Variants in RLF observed in about 807,000 individuals in gnomAD.
The protein encoded by RLF is zinc finger protein Rlf.
Under a neutral mutation model 162.9 loss-of-function variants are expected in RLF, and 7 were observed. The ratio of observed to expected loss-of-function variants is 0.04; its 90% CI spans 0.02 to 0.08. The LOEUF (loss-of-function observed/expected upper bound fraction) is 0.08. Among genes scored for constraint, RLF ranks in the 10% least tolerant of loss-of-function variants. The pLI, the probability that RLF is intolerant of heterozygous loss-of-function variation, is 1.00. For missense variants in RLF, 1,664 were observed against 2,244.7 expected (o/e 0.74, Z 5.23); for synonymous variants, 782 against 791.5 (o/e 0.99, Z 0.20).
intron 1 of RLF, among the ~76,000 whole-genome samples, chr1:40,169,313 T>C (rs1383805368): frequency 6.6e-6 from 1 of 152,016 alleles, no homozygotes; most frequent in East Asian, 1.9e-4. Flanking sequence ...CCGTATGATA[T>C]ATTTATTAAT....
chr1:40,235,016 T>C (rs911008048), intron 7 of RLF, among the ~76,000 whole-genome samples: 1 of 152,072 alleles, frequency 6.6e-6, no homozygotes, highest in Non-Finnish European at 1.5e-5. Flanking sequence ...TATTTTATCT[T>C]TGAAGTTTTG....
At chr1:40,163,740 A>G (rs1244866609) in intron 1 of RLF, among the ~76,000 whole-genome samples, 1 of 152,196 alleles carries the variant, frequency 6.6e-6, no homozygotes, top group Non-Finnish European at 1.5e-5. Flanking sequence ...TGACTTTACC[A>G]CTGCTTAGCT....
chr1:40,179,470 G>A (rs1206783351), intron 1 of RLF, among the ~76,000 whole-genome samples: 1 of 151,418 alleles, frequency 6.6e-6, no homozygotes, highest in African/African-American at 2.4e-5. Context: ...AGCCCCCGTC[G>A]TCTTCCTTTT....
intron 1 of RLF, among the ~76,000 whole-genome samples, chr1:40,185,495 T>C (rs1446725964): frequency 1.1e-5 from 1 of 91,880 alleles, no homozygotes; most frequent in Non-Finnish European, 2.0e-5. Flanking sequence ...ATGGCTGTAA[T>C]CCTTTCAACC....
rs1200809621 is a variant in RLF, at chr1:40,237,957, G to A, written c.3255G>A (p.Leu1085=). The A allele has an allele frequency of 1.9e-6, 3 of 1,614,100 alleles. No homozygotes were observed. The Admixed American group carries it at 5.0e-5, about 27-fold the overall frequency. The change falls in exon 8 of 8, where the codon TTG becomes TTA. Residue 1085 remains leucine, a synonymous_variant. Transcript: ENST00000372771. The surrounding 1 kb of genome is among the most constrained non-coding windows in gnomAD (Gnocchi z 4.4). ...SITHGSFSGS[L]QGYPSSGAKS... ...CACATGGATCTTTCTCAGGGTCATTGCAGGGGTACCCATCCAGTGGTGCTA... is the reference window on the plus strand; with the variant it reads ...CACATGGATCTTTCTCAGGGTCATTACAGGGGTACCCATCCAGTGGTGCTA...
At chr1:40,164,480 A>C (rs533405144) in intron 1 of RLF, among the ~76,000 whole-genome samples, 2 of 152,358 alleles carry the variant, frequency 1.3e-5, no homozygotes, top group South Asian at 4.1e-4. Context: ...AATGATACTT[A>C]GGTCAAACTG....
rs754532794 is a variant in RLF at position 40,237,172 on chromosome 1, A to G, written c.2470A>G (p.Met824Val). ...SKIEYQNHLS[M>V]HNVENSNGDI... is the part of the protein sequence containing the mutation. ...AATTGAATACCAGAATCACCTCTCA[A>G]TGCATAATGTTGAAAATTCAAATGG... The change falls in exon 8 of 8, where the codon ATG becomes GTG. Residue 824 changes from methionine (M) to valine (V), a missense_variant. Physicochemically the swap from Met to Val is conservative, Grantham distance 21. Coordinates refer to ENST00000372771, the MANE Select transcript of RLF (RefSeq NM_012421.4). This position sits in a 1 kb window ranked among gnomAD's most constrained non-coding sequence, Gnocchi z 4.4. The G allele has an allele frequency of 1.5e-5, 25 of 1,613,952 alleles. No homozygotes were observed. The highest frequency in any genetic ancestry group is 4.0e-5 in the African/African-American group (3 of 74,922).
intron 1 of RLF, among the ~76,000 whole-genome samples, chr1:40,177,292 CTTTT>C (rs552640229): frequency 6.9e-6 from 1 of 144,050 alleles, no homozygotes. Context: ...TTCTTTCTTT[CTTTT>C]TTTTTTTTTG....
intron 1 of RLF, among the ~76,000 whole-genome samples, chr1:40,169,305 G>A (rs542174368): frequency 3.3e-5 from 5 of 151,966 alleles, no homozygotes; most frequent in African/African-American, 7.2e-5. Flanking sequence ...GTTTCACTCC[G>A]TATGATATAT....
chr1:40,182,145 C>T (rs1642412732), intron 1 of RLF, among the ~76,000 whole-genome samples: 1 of 152,020 alleles, frequency 6.6e-6, no homozygotes, highest in Admixed American at 6.6e-5. Flanking sequence ...TTAAAAAAAC[C>T]CTCAAGCGGC....
intron 1 of RLF, among the ~76,000 whole-genome samples, chr1:40,178,629 T>TTG (rs1331845237): frequency 1.0e-4 from 15 of 144,804 alleles, no homozygotes; most frequent in African/African-American, 4.0e-4. Flanking sequence ...GTTTTTTTTT[T>TTG]TTGTTTTTTT....
At chr1:40,213,273 G>T (rs1642885354) in intron 5 of RLF, among the ~76,000 whole-genome samples, 1 of 152,116 alleles carries the variant, frequency 6.6e-6, no homozygotes, top group African/African-American at 2.4e-5. Flanking sequence ...TACTTTCATG[G>T]GTTATGTGTG....
Position 40,239,564 on chromosome 1 carries a change from A to G in RLF, c.4862A>G (p.Glu1621Gly), listed in dbSNP as rs368624943. Reference protein sequence around the residue: ...KKEENRSCESERTEHSHSPGD... With the variant: ...KKEENRSCESGRTEHSHSPGD... ...GAAGAAAATAGAAGCTGTGAATCAG[A>G]GCGCACAGAACACAGCCATTCCCCG... The change falls in exon 8 of 8, where the codon GAG (glutamate) becomes GGG (glycine). Residue 1621 changes from glutamate to glycine, a missense_variant. Around this residue, in one of 15 missense-constraint regions of RLF, gnomAD observed 327 missense variants for 342.7 expected, o/e 0.95. Coordinates refer to ENST00000372771, the MANE Select transcript of RLF (RefSeq NM_012421.4). The G allele has an allele frequency of 3.7e-6, 6 of 1,614,154 alleles. No individual in the cohort carries two copies. Among genetic ancestry groups the G allele is most frequent in the Non-Finnish European group, 5.1e-6 (6 of 1,180,038 alleles).
chr1:40,215,577 T>C (rs966985380), intron 5 of RLF, among the ~76,000 whole-genome samples: 1 of 152,038 alleles, frequency 6.6e-6, no homozygotes, highest in African/African-American at 2.4e-5. Flanking sequence ...AAGTTTTTGT[T>C]GTATTTTGTT....
intron 4 of RLF, among the ~76,000 whole-genome samples, chr1:40,200,939 C>CACACAG (rs1491177076): frequency 9.7e-6 from 1 of 102,952 alleles, no homozygotes; most frequent in Admixed American, 1.1e-4. Flanking sequence ...CACACACACA[C>CACACAG]TGGTTTATCC....
At chr1:40,187,844 T>C (rs1287460364) in intron 1 of RLF, among the ~76,000 whole-genome samples, 2 of 152,176 alleles carry the variant, frequency 1.3e-5, no homozygotes, top group Non-Finnish European at 1.5e-5. Flanking sequence ...ATTGTAGTTA[T>C]TTGTAGTTGT....
chr1:40,178,385 C>T (rs1243708835), intron 1 of RLF, among the ~76,000 whole-genome samples: 1 of 151,832 alleles, frequency 6.6e-6, no homozygotes, highest in Non-Finnish European at 1.5e-5. Flanking sequence ...TAGTGGTTGC[C>T]AAGGGCTAGA....
chr1:40,236,349 G>T lies in RLF; in HGVS notation c.1647G>T (p.Arg549Ser). 1 of 1,613,916 alleles carries T rather than the reference G, an allele frequency of 6.2e-7. No individual in the cohort carries two copies. Among genetic ancestry groups the T allele is most frequent in the Non-Finnish European group, 8.5e-7 (1 of 1,179,974 alleles). ...TTGGCTCTTCTGAAAGATATCAGAG[G>T]TGGCTTCAGTACAAGTTTTTCTGTT... Reference protein sequence around the residue: ...KPIGSSERYQRWLQYKFFCLL... With the variant: ...KPIGSSERYQSWLQYKFFCLL... Residue 549 changes from arginine (R) to serine (S), a missense_variant, in exon 8 of 8, where the codon AGG becomes AGT. Arg to Ser is a moderately radical substitution (Grantham distance 110). Around this residue, in one of 15 missense-constraint regions of RLF, gnomAD observed 31 missense variants for 80.5 expected, o/e 0.39. Coordinates refer to ENST00000372771, the MANE Select transcript of RLF (RefSeq NM_012421.4). The surrounding 1 kb of genome is among the most constrained non-coding windows in gnomAD (Gnocchi z 7.7).
chr1:40,176,123 A>G (rs892031696), intron 1 of RLF, among the ~76,000 whole-genome samples: 1 of 152,156 alleles, frequency 6.6e-6, no homozygotes, highest in Non-Finnish European at 1.5e-5. Flanking sequence ...TGGATATATC[A>G]TGATTTGTTT....
Sources: allele counts gnomAD v4.1 joint callset (sites outside exome capture counted in the v4.1 genomes callset), GRCh38; gene constraint gnomAD v4.1.1; regional missense constraint gnomAD v4.1.1; non-coding constraint Gnocchi (gnomAD v3.1); transcripts MANE v1.5; gene names NCBI Gene and HGNC (gene_info 2026-07-23, HGNC 2026-07-21).